RYR2: variants seen among roughly 807,000 people sequenced by gnomAD.
RYR2 encodes cardiac muscle ryanodine receptor-calcium release channel.
A neutral mutation model predicts 601.1 loss-of-function variants in RYR2; 227 were observed. The observed-to-expected ratio is 0.38, with a 90% CI of 0.34 to 0.42. The LOEUF (loss-of-function observed/expected upper bound fraction) is 0.42, where lower values mean the gene tolerates loss of function less well. Among genes scored for constraint, RYR2 ranks in the 10% least tolerant of loss-of-function variants. The pLI, the probability that RYR2 is intolerant of heterozygous loss-of-function variation, is 1.00. For missense variants in RYR2, 4,646 were observed against 6,156.5 expected, an observed-to-expected ratio of 0.75 and a Z score of 8.21; for synonymous variants, 2,223 against 2,175.1, an observed-to-expected ratio of 1.02 and a Z score of -0.61.
intron 29 of RYR2, among the ~76,000 whole-genome samples, chr1:237,585,563 A>C (rs933392957): frequency 6.6e-6 from 1 of 152,200 alleles, no homozygotes; most frequent in South Asian, 2.1e-4. Context: ...CTTTGATCCC[A>C]TTGCCACATA....
intron 98 of RYR2, among the ~76,000 whole-genome samples, chr1:237,805,576 GTCTCAAAAAAAAAAAAAAAAAAAA>G (rs1660535425): frequency 1.1e-5 from 1 of 91,436 alleles, no homozygotes; most frequent in African/African-American, 5.1e-5. Flanking sequence ...GCTAGACTCT[GTCTCAAAAAAAAAAAAAAAAAAAA>G]AAAAAGTATA....
At chr1:237,590,584 A>G in intron 30 of RYR2, 56 bp from the exon 31 acceptor site, 2 of 1,401,398 alleles carry the variant, frequency 1.4e-6, no homozygotes, top group Non-Finnish European at 1.9e-6. Context: ...CATCTTTAGA[A>G]TCAGGAAATT....
intron 27 of RYR2, among the ~76,000 whole-genome samples, chr1:237,563,784 G>A (rs992008731): frequency 3.3e-5 from 5 of 151,962 alleles, no homozygotes; most frequent in Non-Finnish European, 7.4e-5. Flanking sequence ...TATTTGATTT[G>A]TGCTAATATT....
rs115856413 is a variant in RYR2 at position 237,190,633 on chromosome 1, C to T, written c.49-79864C>T. Among the ~76,000 whole-genome samples, 909 of 152,182 alleles carry T rather than the reference C, an allele frequency of 6.0e-3. 7 individuals are homozygous for T. The highest frequency in any genetic ancestry group is 0.029 in the South Asian group (142 of 4,820). On this transcript the variant is annotated intron_variant, in intron 1 of 104. Coordinates refer to ENST00000366574, the MANE Select transcript of RYR2 (RefSeq NM_001035.3). ...TAAAAAATACAAATAAAAAATACTG[C>T]CTAACAACTATTTATATAACAGTCA...
At chr1:237,383,916 T>A (rs1339112567) in intron 8 of RYR2, among the ~76,000 whole-genome samples, 2 of 152,180 alleles carry the variant, frequency 1.3e-5, no homozygotes, top group African/African-American at 4.8e-5. Flanking sequence ...GTTACATATT[T>A]CAGCCTAAGG....
intron 2 of RYR2, among the ~76,000 whole-genome samples, chr1:237,306,815 A>G (rs1380029402): frequency 6.6e-6 from 1 of 152,180 alleles, no homozygotes; most frequent in African/African-American, 2.4e-5. Context: ...TAGATAACCT[A>G]ACAAGAATTA....
At chr1:237,577,895 C>T (rs901679505) in intron 29 of RYR2, among the ~76,000 whole-genome samples, 6 of 152,070 alleles carry the variant, frequency 3.9e-5, no homozygotes, top group South Asian at 2.1e-4. Flanking sequence ...CTCTACCTCC[C>T]GGGTTCAAGC....
intron 1 of RYR2, among the ~76,000 whole-genome samples, chr1:237,205,101 C>A (rs1558421237): frequency 6.6e-6 from 1 of 152,166 alleles, no homozygotes; most frequent in Admixed American, 6.5e-5. Context: ...ACATGAGCTC[C>A]CCCAAGGCAC....
intron 40 of RYR2, among the ~76,000 whole-genome samples, chr1:237,627,380 G>A (rs939698): frequency 0.76 from 116,002 of 152,102 alleles, 44,863 homozygotes; most frequent in Non-Finnish European, 0.82. Flanking sequence ...AGTTGGATAA[G>A]CATACCTTTT....
intron 10 of RYR2, among the ~76,000 whole-genome samples, chr1:237,407,727 C>T (rs1252848201): frequency 1.3e-5 from 2 of 151,828 alleles, no homozygotes. Context: ...CGCCATTCTC[C>T]TGCCTCAGCC....
chr1:237,116,389 C>A (rs1435948776), intron 1 of RYR2, among the ~76,000 whole-genome samples: 1 of 152,090 alleles, frequency 6.6e-6, no homozygotes, highest in Non-Finnish European at 1.5e-5. Flanking sequence ...GCCTGCCTTC[C>A]AGGATGTTCT....
chr1:237,512,636 G>GC (rs1666024433), intron 24 of RYR2, among the ~76,000 whole-genome samples: 1 of 152,192 alleles, frequency 6.6e-6, no homozygotes, highest in Admixed American at 6.5e-5. Flanking sequence ...CCTTCGGAAG[G>GC]CCAAGGCCAG....
intron 1 of RYR2, among the ~76,000 whole-genome samples, chr1:237,162,254 T>A (rs1035176156): frequency 6.6e-6 from 1 of 152,162 alleles, no homozygotes; most frequent in Non-Finnish European, 1.5e-5. Flanking sequence ...TTTATGTGGA[T>A]TATGTATGAT....
intron 2 of RYR2, among the ~76,000 whole-genome samples, chr1:237,295,422 TTGA>T (rs1692657284): frequency 1.3e-5 from 2 of 152,114 alleles, no homozygotes; most frequent in Non-Finnish European, 2.9e-5. Context: ...GTGGTAGTCA[TTGA>T]TGATATATTG....
chr1:237,794,010 TTA>T lies in RYR2; in HGVS notation c.13913+17_13913+18del. On this transcript the variant is annotated intron_variant, in intron 95 of 104. Transcript: ENST00000366574. The stretch of plus-strand genomic sequence containing the variant: ...TAATCAACACACAGTGAGTAAATAA[TTA>T]TATGAGACTTTCTGCACTCAAAAAT... 1.3e-6 allele frequency: 2 copies of T among 1,598,610 alleles called. No homozygotes were observed. The highest frequency in any genetic ancestry group is 1.7e-6 in the Non-Finnish European group (2 of 1,171,762).
intron 74 of RYR2, 25 bp downstream of exon 74, chr1:237,723,287 A>T (rs746847913): frequency 6.3e-7 from 1 of 1,592,824 alleles, no homozygotes; most frequent in East Asian, 2.2e-5. Flanking sequence ...CAATTCAATC[A>T]TATTTGCCTT....
At position 237,833,719 on chromosome 1, in the gene RYR2, A is replaced by G. The variant is rs904707084; in HGVS notation, c.*1072A>G. The G allele has an allele frequency of 1.3e-5, 2 of 152,528 alleles. No homozygotes were observed. Among genetic ancestry groups the G allele is most frequent in the African/African-American group, 4.8e-5 (2 of 41,422 alleles). The allele number at this position is 152,528 out of a possible 1,614,324, so 9.4% of individuals were successfully genotyped here. ...CTGTGATCAGTTTTGTTGATTAAGG[A>G]CTTCTTGTCAGGCCATTTTTTAATA... On this transcript the variant is annotated 3_prime_UTR_variant, in exon 105 of 105. Coordinates refer to ENST00000366574, the MANE Select transcript of RYR2 (RefSeq NM_001035.3).
At chr1:237,694,453 T>C (rs934145355) in intron 63 of RYR2, among the ~76,000 whole-genome samples, 1 of 152,158 alleles carries the variant, frequency 6.6e-6, no homozygotes, top group African/African-American at 2.4e-5. Context: ...AGCTGGAGGA[T>C]CATTGAGATC....
At chr1:237,651,894 G>C (rs940904116) in intron 51 of RYR2, among the ~76,000 whole-genome samples, 5 of 152,100 alleles carry the variant, frequency 3.3e-5, no homozygotes, top group African/African-American at 1.2e-4. Flanking sequence ...AAAATTAGCC[G>C]GACGTGGTGG....
Sources: allele counts gnomAD v4.1 joint callset (sites outside exome capture counted in the v4.1 genomes callset), GRCh38; gene constraint gnomAD v4.1.1; transcripts MANE v1.5; gene names NCBI Gene and HGNC (gene_info 2026-07-23, HGNC 2026-07-21).